SLC39A3: variants seen among roughly 807,000 people sequenced by gnomAD.
The protein encoded by SLC39A3 is solute carrier family 39 member 3.
SLC39A3 carries 3 observed loss-of-function variants against 5.1 expected under a neutral mutation model. The ratio of observed to expected loss-of-function variants is 0.59; its 90% CI spans 0.27 to 1.54. The LOEUF is 1.54. SLC39A3 is among the 40% of genes most tolerant of loss of function. The probability of loss-of-function intolerance (pLI) is 0.12; values close to 1 mark genes in which losing one functional copy is unlikely to be tolerated. For missense variants in SLC39A3, 412 were observed against 436.4 expected (o/e 0.94, Z 0.50); for synonymous variants, 250 against 218.8 (o/e 1.14, Z -1.26).
Position 2,735,025 on chromosome 19 carries a change from G to T in SLC39A3, c.211-1540C>A. 2.0e-6 allele frequency: 2 copies of T among 985,508 alleles called. No individual in the cohort carries two copies. The highest frequency in any genetic ancestry group is 2.4e-6 in the Non-Finnish European group (2 of 829,984). 61.0% of individuals were successfully genotyped at this position (985,508 alleles called of 1,614,324 possible). The stretch of plus-strand genomic sequence containing the variant: ...ACCTCATCCGCCTGACCAGCCCGAG[G>T]ACAGGAGAACGGCGGGAAAGGTTTG... On this transcript the variant is annotated intron_variant, in intron 2 of 2. Coordinates refer to ENST00000269740, the MANE Select transcript of SLC39A3 (RefSeq NM_144564.5). The surrounding 1 kb of genome is among the most constrained non-coding windows in gnomAD (Gnocchi z 5.7).
In SLC39A3 at chr19:2,733,142, C is replaced by T. The variant is rs112106097; in HGVS notation, c.554G>A (p.Gly185Asp). The T allele has an allele frequency of 3.1e-6, 5 of 1,611,062 alleles. No individual in the cohort carries two copies. The highest frequency in any genetic ancestry group is 4.2e-6 in the Non-Finnish European group (5 of 1,179,154). Reference protein sequence around the residue: ...FALSAHSVFEGLALGLQEEGE... With the variant: ...FALSAHSVFEDLALGLQEEGE... ...CTCCTCCTGCAGGCCCAGGGCCAGGCCCTCAAAGACCGAGTGGGCCGACAG... is the reference window on the plus strand; with the variant it reads ...CTCCTCCTGCAGGCCCAGGGCCAGGTCCTCAAAGACCGAGTGGGCCGACAG... Residue 185 changes from glycine to aspartate, a missense_variant, in exon 3 of 3, where the codon GGC becomes GAC. Coordinates refer to ENST00000269740, the MANE Select transcript of SLC39A3 (RefSeq NM_144564.5). This position sits in a 1 kb window ranked among gnomAD's most constrained non-coding sequence, Gnocchi z 6.1.
upstream of SLC39A3, chr19:2,740,030 G>A (rs1914501948): frequency 6.6e-6 from 1 of 152,138 alleles, no homozygotes; most frequent in Admixed American, 6.5e-5. Context: ...GGCCCGGAGA[G>A]GCCCCGCTCG....
In SLC39A3 at chr19:2,735,556, A is replaced by G. The variant is rs1914337203; in HGVS notation, c.210+1492T>C. 1 of 154,952 alleles carries G rather than the reference A, an allele frequency of 6.5e-6. No homozygotes were observed. 9.6% of individuals were successfully genotyped at this position (154,952 alleles called of 1,614,324 possible). On this transcript the variant is annotated intron_variant, in intron 2 of 2. Transcript: ENST00000269740. The surrounding 1 kb of genome is among the most constrained non-coding windows in gnomAD (Gnocchi z 5.7). ...TCGCTTCATGCCCTTCTCCTGGCACACCCTGGCTTTTTGCTTCTCCAAGGC... is the reference window on the plus strand; with the variant it reads ...TCGCTTCATGCCCTTCTCCTGGCACGCCCTGGCTTTTTGCTTCTCCAAGGC...
rs139495965 is a variant in SLC39A3, at chr19:2,735,366, G to A, written c.210+1682C>T. On this transcript the variant is annotated intron_variant, in intron 2 of 2. Transcript: ENST00000269740. This position sits in a 1 kb window ranked among gnomAD's most constrained non-coding sequence, Gnocchi z 5.7. Reference sequence around the variant, plus strand: ...AGCTGGGCCCTACGCTCCAGGTCTCGCAGGGTGTCATCAGGGCTGAGATCT... The same window carrying A: ...AGCTGGGCCCTACGCTCCAGGTCTCACAGGGTGTCATCAGGGCTGAGATCT... 26 of 236,956 alleles carry A rather than the reference G, an allele frequency of 1.1e-4. No individual in the cohort carries two copies. The highest frequency in any genetic ancestry group is 3.3e-4 in the African/African-American group (14 of 43,016). The allele number at this position is 236,956 out of a possible 1,614,324, so 14.7% of individuals were successfully genotyped here.
intron 2 of SLC39A3, chr19:2,736,668 T>C: frequency 8.1e-7 from 1 of 1,239,074 alleles, no homozygotes; most frequent in Non-Finnish European, 1.0e-6. Flanking sequence ...TAAACGTCTG[T>C]AGTCCTAAGG....
intron 2 of SLC39A3, chr19:2,736,192 A>C: frequency 1.0e-6 from 1 of 985,236 alleles, no homozygotes; most frequent in Non-Finnish European, 1.2e-6. Context: ...GGGTGGACAG[A>C]CTCCAAGATG....
chr19:2,738,249 A>G (rs1052865784), intron 1 of SLC39A3, among the ~76,000 whole-genome samples: 5 of 150,996 alleles, frequency 3.3e-5, no homozygotes, highest in Admixed American at 3.3e-4. Flanking sequence ...TCCGCTCCTC[A>G]GTCTCCCTGG....
chr19:2,739,005 C>G lies in SLC39A3; in HGVS notation c.-123+940G>C, dbSNP rs191113449. Among the ~76,000 whole-genome samples, 581 of 143,194 alleles carry G rather than the reference C, an allele frequency of 4.1e-3. 3 individuals are homozygous for G. The highest frequency in any genetic ancestry group is 0.014 in the African/African-American group (542 of 37,764). 93.9% of individuals were successfully genotyped at this position (143,194 alleles called of 152,430 possible). A position where few individuals can be genotyped will look rare whatever the true frequency, so the allele number is the denominator to read the frequency against. ...ATCCCAGTTACTCGGGAGGCTGAGG[C>G]AGGAGAATTGCTTCAACCCAGGAGG... On this transcript the variant is annotated intron_variant, in intron 1 of 2. Coordinates refer to ENST00000269740, the MANE Select transcript of SLC39A3 (RefSeq NM_144564.5).
chr19:2,732,595 C>T lies in SLC39A3; in HGVS notation c.*156G>A, dbSNP rs953334349. On this transcript the variant is annotated 3_prime_UTR_variant, in exon 3 of 3. Transcript: ENST00000269740. ...TGCTCTGAGGCTCAGGGTGTAGGAT[C>T]GGGGGCACAGCCTGGTCCCGGGAGG... The T allele has an allele frequency of 7.5e-6, 10 of 1,333,876 alleles. No homozygotes were observed. The highest frequency in any genetic ancestry group is 4.8e-5 in the African/African-American group (3 of 62,416). The allele number at this position is 1,333,876 out of a possible 1,614,324, so 82.6% of individuals were successfully genotyped here.
chr19:2,737,066 C>T lies in SLC39A3; in HGVS notation c.192G>A (p.Leu64=). The part of the protein sequence containing the change: ...VFLATCFNAL[L]PAVREKLQKV... ...CCCTTACCTTTTCCCTCACAGCGGG[C>T]AGCAGAGCGTTGAAGCACGTGGCCA... The change falls in exon 2 of 3, where the codon CTG becomes CTA. Residue 64 remains leucine (L), a synonymous_variant. Transcript: ENST00000269740. 1 of 1,614,168 alleles carries T rather than the reference C, an allele frequency of 6.2e-7. No individual in the cohort carries two copies. The highest frequency in any genetic ancestry group is 1.7e-5 in the Admixed American group (1 of 60,024).
chr19:2,732,958 C>A lies in SLC39A3; in HGVS notation c.738G>T (p.Leu246=). ...VSAMIPLGIG[L]GLGIESAQGV... ...CCTGGGCGCTCTCAATGCCCAGGCC[C>A]AGGCCGATGCCCAGGGGGATCATGG... Residue 246 remains leucine, a synonymous_variant, in exon 3 of 3, where the codon CTG becomes CTT. Transcript: ENST00000269740. 6.2e-7 allele frequency: 1 copy of A among 1,605,364 alleles called. No individual in the cohort carries two copies.
intron 2 of SLC39A3, chr19:2,736,666 T>G: frequency 8.1e-7 from 1 of 1,231,382 alleles, no homozygotes; most frequent in Middle Eastern, 3.1e-4. Context: ...GATAAACGTC[T>G]GTAGTCCTAA....
chr19:2,737,594 A>G (rs1490813537), intron 1 of SLC39A3: 2 of 269,932 alleles, frequency 7.4e-6, no homozygotes, highest in Admixed American at 5.0e-5. Context: ...TTTGTAGTAG[A>G]GACGAGGTTT....
chr19:2,733,538 G>A lies in SLC39A3; in HGVS notation c.211-53C>T, dbSNP rs770914456. 2.5e-5 allele frequency: 39 copies of A among 1,551,768 alleles called. No homozygotes were observed. The highest frequency in any genetic ancestry group is 4.1e-5 in the African/African-American group (3 of 72,738). The stretch of plus-strand genomic sequence containing the variant: ...AGAGAGACCCACGCTCAGGGGTGGC[G>A]GCGACAGGGCTGGCCAGATGTCACC... On this transcript the variant is annotated intron_variant, in intron 2 of 2. Transcript: ENST00000269740. This position sits in a 1 kb window ranked among gnomAD's most constrained non-coding sequence, Gnocchi z 6.1.
In SLC39A3 at chr19:2,733,358, G is replaced by A. The variant is rs973056043; in HGVS notation, c.338C>T (p.Pro113Leu). The A allele has an allele frequency of 1.7e-5, 27 of 1,613,160 alleles. No individual in the cohort carries two copies. Among genetic ancestry groups the A allele is most frequent in the Non-Finnish European group, 2.0e-5 (24 of 1,180,026 alleles). The stretch of plus-strand genomic sequence containing the variant: ...GAAGGTCTCCAGGTCGATGAAGGAC[G>A]GCTTCTCCTTGCGGAAGGTCAGGAT... Reference protein sequence around the residue: ...QLILTFRKEKPSFIDLETFNA... With the variant: ...QLILTFRKEKLSFIDLETFNA... Residue 113 changes from proline to leucine, a missense_variant, in exon 3 of 3, where the codon CCG becomes CTG. Physicochemically the swap from Pro to Leu is moderately conservative, Grantham distance 98. Transcript: ENST00000269740. This position sits in a 1 kb window ranked among gnomAD's most constrained non-coding sequence, Gnocchi z 6.1.
At position 2,735,154 on chromosome 19, in the gene SLC39A3, G is replaced by A. The variant is rs1212847748; in HGVS notation, c.211-1669C>T. 1 of 985,414 alleles carries A rather than the reference G, an allele frequency of 1.0e-6. No individual in the cohort carries two copies. The highest frequency in any genetic ancestry group is 1.2e-6 in the Non-Finnish European group (1 of 829,914). 61.0% of individuals were successfully genotyped at this position (985,414 alleles called of 1,614,324 possible). On this transcript the variant is annotated intron_variant, in intron 2 of 2. Coordinates refer to ENST00000269740, the MANE Select transcript of SLC39A3 (RefSeq NM_144564.5). This position sits in a 1 kb window ranked among gnomAD's most constrained non-coding sequence, Gnocchi z 5.7. ...GTGACGGGGGTGACACCATGACCAT[G>A]GGGGAAAAGGGGGGCTGGCAGTGGC... is the stretch of plus-strand genomic sequence containing the variant.
chr19:2,733,189 G>A lies in SLC39A3; in HGVS notation c.507C>T (p.Arg169=), dbSNP rs766941009. 6.2e-7 allele frequency: 1 copy of A among 1,607,960 alleles called. No homozygotes were observed. Among genetic ancestry groups the A allele is most frequent in the Non-Finnish European group, 8.5e-7 (1 of 1,177,610 alleles). ...VQGLSRASPV[R]LLSLAFALSA... ...ACAGCGCGAAGGCCAGGCTGAGCAG[G>A]CGCACGGGGCTGGCGCGCGAGAGGC... The change falls in exon 3 of 3, where the codon CGC becomes CGT. Residue 169 remains arginine, a synonymous_variant. Coordinates refer to ENST00000269740, the MANE Select transcript of SLC39A3 (RefSeq NM_144564.5). The surrounding 1 kb of genome is among the most constrained non-coding windows in gnomAD (Gnocchi z 6.1).
rs1201808120 is a variant in SLC39A3, at chr19:2,733,681, C to T, written c.211-196G>A. Among the ~76,000 whole-genome samples the T allele has an allele frequency of 6.6e-6, 1 of 152,216 alleles. No individual in the cohort carries two copies. Among genetic ancestry groups the T allele is most frequent in the African/African-American group, 2.4e-5 (1 of 41,456 alleles). On this transcript the variant is annotated intron_variant, in intron 2 of 2. Coordinates refer to ENST00000269740, the MANE Select transcript of SLC39A3 (RefSeq NM_144564.5). This position sits in a 1 kb window ranked among gnomAD's most constrained non-coding sequence, Gnocchi z 6.1. ...CACCAGCCAAGCGCGGTGGCTCATG[C>T]CTGTGACCCCAGCATTTTGGGAGAC...
chr19:2,736,820 G>A, intron 2 of SLC39A3: 1 of 1,461,302 alleles, frequency 6.8e-7, no homozygotes, highest in Non-Finnish European at 9.1e-7. Context: ...CAACCGACAA[G>A]TCCACCTGTT....
Sources: allele counts gnomAD v4.1 joint callset (sites outside exome capture counted in the v4.1 genomes callset), GRCh38; gene constraint gnomAD v4.1.1; non-coding constraint Gnocchi (gnomAD v3.1); transcripts MANE v1.5; gene names NCBI Gene and HGNC (gene_info 2026-07-23, HGNC 2026-07-21).